Variants in ATP10A observed in about 807,000 individuals in gnomAD.
The protein encoded by ATP10A is ATPase phospholipid transporting 10A (putative), also known as phospholipid-transporting ATPase VA.
In ATP10A, 111 loss-of-function variants were observed where a neutral mutation model predicts 147.8. The ratio of observed to expected loss-of-function variants is 0.75; its 90% CI spans 0.64 to 0.88. The LOEUF (loss-of-function observed/expected upper bound fraction) is 0.88. ATP10A is among the 40% of genes least tolerant of loss of function. The probability of loss-of-function intolerance (pLI) is 0.00; values close to 1 mark genes in which losing one functional copy is unlikely to be tolerated. For synonymous variants in ATP10A, 875 were observed against 841.6 expected (o/e 1.04, Z -0.69); for missense variants, 1,927 against 1,959.0 (o/e 0.98, Z 0.31).
At chr15:25,693,141 C>T (rs771951303) in intron 14 of ATP10A, among the ~76,000 whole-genome samples, 1 of 152,124 alleles carries the variant, frequency 6.6e-6, no homozygotes, top group Admixed American at 6.5e-5. Context: ...CCCACCTCAG[C>T]CTCTCAAGTA....
chr15:25,833,203 G>C (rs1207360939), intron 1 of ATP10A, among the ~76,000 whole-genome samples: 1 of 151,908 alleles, frequency 6.6e-6, no homozygotes, highest in Non-Finnish European at 1.5e-5. Context: ...GGCTGGTTTC[G>C]AACTGCTGGC....
chr15:25,786,786 C>T (rs1410067180), intron 1 of ATP10A, among the ~76,000 whole-genome samples: 3 of 128,298 alleles, frequency 2.3e-5, no homozygotes, highest in African/African-American at 8.6e-5. Flanking sequence ...CCACCATGCC[C>T]AGCTAGTTTT....
At chr15:25,715,548 C>A (rs1901746031) in intron 9 of ATP10A, among the ~76,000 whole-genome samples, 1 of 152,258 alleles carries the variant, frequency 6.6e-6, no homozygotes, top group African/African-American at 2.4e-5. Context: ...GGGATATACA[C>A]CAGAAGGGTT....
chr15:25,700,861 G>A (rs1900618948), intron 13 of ATP10A, among the ~76,000 whole-genome samples: 1 of 151,760 alleles, frequency 6.6e-6, no homozygotes, highest in Non-Finnish European at 1.5e-5. Flanking sequence ...ATAAATAAAA[G>A]CAATGACCAG....
intron 2 of ATP10A, among the ~76,000 whole-genome samples, chr15:25,738,028 C>T (rs765465967): frequency 3.3e-5 from 5 of 152,202 alleles, no homozygotes; most frequent in Admixed American, 6.5e-5. Context: ...CCCCAGTAAA[C>T]GAATACAGAG....
intron 2 of ATP10A, among the ~76,000 whole-genome samples, chr15:25,761,445 A>G (rs559200799): frequency 6.6e-6 from 1 of 152,358 alleles, no homozygotes; most frequent in East Asian, 1.9e-4. Context: ...AGACCCCAGA[A>G]TGGTCGATCC....
chr15:25,755,235 A>G (rs1354278390), intron 2 of ATP10A, among the ~76,000 whole-genome samples: 1 of 152,176 alleles, frequency 6.6e-6, no homozygotes, highest in Admixed American at 6.5e-5. Flanking sequence ...AGACCTTCGA[A>G]AGTTTTCTAA....
At chr15:25,754,278 C>A (rs1057030195) in intron 2 of ATP10A, among the ~76,000 whole-genome samples, 1 of 152,070 alleles carries the variant, frequency 6.6e-6, no homozygotes, top group South Asian at 2.1e-4. Context: ...GGACAACAGG[C>A]GCGTGCCACC....
At chr15:25,816,987 C>T (rs1447768118) in intron 1 of ATP10A, among the ~76,000 whole-genome samples, 1 of 150,364 alleles carries the variant, frequency 6.7e-6, no homozygotes, top group African/African-American at 2.5e-5. Context: ...AAAAAAAAAT[C>T]CTACCTGAAT....
chr15:25,817,887 C>A (rs7177398), intron 1 of ATP10A, among the ~76,000 whole-genome samples: 56,537 of 152,014 alleles, frequency 0.37, 12,200 homozygotes, highest in African/African-American at 0.6. Context: ...TGATAAAATT[C>A]TGTTTGCAAT....
intron 10 of ATP10A, chr15:25,709,096 C>T (rs1321488897): frequency 6.6e-6 from 1 of 152,174 alleles, no homozygotes; most frequent in East Asian, 1.9e-4. Context: ...ATCACTGGTT[C>T]TTGGAGGTGG....
upstream of ATP10A, among the ~76,000 whole-genome samples, chr15:25,864,102 C>T (rs1015234828): frequency 3.3e-5 from 5 of 151,904 alleles, no homozygotes; most frequent in African/African-American, 7.3e-5. Context: ...ATGGCCCGGA[C>T]GGCGGGGGAG....
In ATP10A at chr15:25,694,882, G is replaced by A. The variant is rs1900228238; in HGVS notation, c.3025C>T (p.Leu1009=). Residue 1009 remains leucine (L), a synonymous_variant, in exon 14 of 21, where the codon CTG becomes TTG. Coordinates refer to ENST00000555815, the MANE Select transcript of ATP10A (RefSeq NM_024490.4). ...AGCTTCACCACCATGCTCTTCTGCA[G>A]AGGCGTCGACCGACAGCAGAGGACG... The part of the protein sequence containing the change: ...RSVLCCRSTP[L]QKSMVVKLVR... The A allele has an allele frequency of 1.9e-6, 3 of 1,614,206 alleles. No homozygotes were observed. In the East Asian group the frequency reaches 6.7e-5, roughly 36 times the overall value.
At chr15:25,693,742 C>A (rs142348990) in intron 14 of ATP10A, among the ~76,000 whole-genome samples, 15 of 152,318 alleles carry the variant, frequency 9.8e-5, no homozygotes, top group African/African-American at 3.4e-4. Context: ...CTCTCCTTAG[C>A]GGTTACTGGC....
intron 3 of ATP10A, among the ~76,000 whole-genome samples, chr15:25,734,744 T>C (rs894077829): frequency 2.0e-5 from 3 of 152,180 alleles, no homozygotes; most frequent in African/African-American, 7.2e-5. Context: ...CGGTGTCTGA[T>C]TCTCAGATAA....
intron 1 of ATP10A, among the ~76,000 whole-genome samples, chr15:25,790,048 C>T (rs993564653): frequency 1.3e-5 from 2 of 152,214 alleles, no homozygotes; most frequent in Non-Finnish European, 2.9e-5. Flanking sequence ...GAACTCAGCA[C>T]TGAAACAGCA....
At chr15:25,756,598 C>G (rs1398068721) in intron 2 of ATP10A, among the ~76,000 whole-genome samples, 2 of 151,976 alleles carry the variant, frequency 1.3e-5, no homozygotes, top group Non-Finnish European at 2.9e-5. Context: ...AGCCGAGATC[C>G]TACCACTGCA....
intron 1 of ATP10A, among the ~76,000 whole-genome samples, chr15:25,843,267 C>T (rs1262048117): frequency 7.1e-6 from 1 of 140,852 alleles, no homozygotes; most frequent in Non-Finnish European, 1.5e-5. Flanking sequence ...CTCGGCACTC[C>T]ACCTATCACC....
rs377154528 is a variant in ATP10A at position 25,721,647 on chromosome 15, C to T, written c.1363+10G>A. 5.2e-5 allele frequency: 83 copies of T among 1,609,304 alleles called. No homozygotes were observed. Among genetic ancestry groups the T allele is most frequent in the Non-Finnish European group, 6.1e-5 (72 of 1,176,532 alleles). ...AGCCTGGGTTGGGAGCCCCGCACCC[C>T]CAGACTCACCATTTGCATCATGAGA... On this transcript the variant is annotated intron_variant, in intron 7 of 20. Coordinates refer to ENST00000555815, the MANE Select transcript of ATP10A (RefSeq NM_024490.4).
Sources: allele counts gnomAD v4.1 joint callset (sites outside exome capture counted in the v4.1 genomes callset), GRCh38; gene constraint gnomAD v4.1.1; transcripts MANE v1.5; gene names NCBI Gene and HGNC (gene_info 2026-07-23, HGNC 2026-07-21).